Variants in BMPR1B observed in about 807,000 individuals in gnomAD.
BMPR1B encodes the protein bone morphogenetic protein receptor type-1B.
BMPR1B carries 12 observed loss-of-function variants against 59.1 expected under a neutral mutation model. The ratio of observed to expected loss-of-function variants is 0.20; its 90% CI spans 0.13 to 0.33. The LOEUF (loss-of-function observed/expected upper bound fraction) is 0.33, where lower values mean the gene tolerates loss of function less well. BMPR1B is among the 10% of genes least tolerant of loss of function. The pLI, the probability that BMPR1B is intolerant of heterozygous loss-of-function variation, is 1.00. For synonymous variants in BMPR1B, 237 were observed against 207.3 expected, an observed-to-expected ratio of 1.14 and a Z score of -1.23; for missense variants, 550 against 610.9, an observed-to-expected ratio of 0.90 and a Z score of 1.05.
rs74528765 is a variant in BMPR1B at position 94,863,829 on chromosome 4, T to C, written c.-182-12002T>C. 8.6e-3 allele frequency among the ~76,000 whole-genome samples: 1,312 copies of C among 152,294 alleles called. 68 individuals carry two copies. In the East Asian group the frequency reaches 0.15, roughly 18 times the overall value. On this transcript the variant is annotated intron_variant, in intron 1 of 12. Transcript: ENST00000515059. ...TCTACACATTTCAGAGTTGCTCCTGTGGTGCATTCCCGAAACCGTATCTGA... is the reference window on the plus strand; with the variant it reads ...TCTACACATTTCAGAGTTGCTCCTGCGGTGCATTCCCGAAACCGTATCTGA...
intron 1 of BMPR1B, among the ~76,000 whole-genome samples, chr4:94,848,126 G>A (rs1193429018): frequency 6.6e-6 from 1 of 152,114 alleles, no homozygotes; most frequent in African/African-American, 2.4e-5. Context: ...GTTTAATACA[G>A]GTGTAGTATT....
rs146674986 is a variant in BMPR1B, at chr4:95,110,057, G to A, written c.144-4663G>A. On this transcript the variant is annotated intron_variant, in intron 4 of 12. Transcript: ENST00000515059. ...TTAGTCATCAATGAGAATTTTAGAC[G>A]GTCCCAGTTTGTTGCTGGAGTTAAT... Among the ~76,000 whole-genome samples the A allele has an allele frequency of 1.1e-3, 163 of 151,896 alleles. 1 individual carries two copies. The highest frequency in any genetic ancestry group is 3.5e-3 in the African/African-American group (145 of 41,446).
intron 3 of BMPR1B, among the ~76,000 whole-genome samples, chr4:95,096,117 A>C (rs1730357996): frequency 6.6e-6 from 1 of 150,730 alleles, no homozygotes; most frequent in African/African-American, 2.4e-5. Context: ...ATATTTTTAA[A>C]ATAAGGAACT....
chr4:94,781,329 T>C (rs1722583286), intron 1 of BMPR1B, among the ~76,000 whole-genome samples: 1 of 152,228 alleles, frequency 6.6e-6, no homozygotes, highest in Non-Finnish European at 1.5e-5. Flanking sequence ...TTTTCAACTT[T>C]TATAATGTCC....
intron 1 of BMPR1B, among the ~76,000 whole-genome samples, chr4:94,793,022 T>G (rs985480404): frequency 6.6e-6 from 1 of 152,108 alleles, no homozygotes; most frequent in Admixed American, 6.6e-5. Context: ...TTCTTTTTTT[T>G]TATTATTATT....
At chr4:95,058,085 A>T (rs1727066189) in intron 3 of BMPR1B, among the ~76,000 whole-genome samples, 1 of 152,160 alleles carries the variant, frequency 6.6e-6, no homozygotes, top group Non-Finnish European at 1.5e-5. Flanking sequence ...TAGTTCTAGG[A>T]CATTGTTATA....
chr4:94,792,114 A>C (rs1485538409), intron 1 of BMPR1B, among the ~76,000 whole-genome samples: 1 of 152,216 alleles, frequency 6.6e-6, no homozygotes, highest in Non-Finnish European at 1.5e-5. Flanking sequence ...CAGATAACTA[A>C]GTTTTACCTT....
intron 2 of BMPR1B, among the ~76,000 whole-genome samples, chr4:94,984,939 G>C (rs1721309005): frequency 6.6e-6 from 1 of 152,114 alleles, no homozygotes; most frequent in Non-Finnish European, 1.5e-5. Flanking sequence ...TCACATATTT[G>C]GATATAGTTC....
intron 2 of BMPR1B, among the ~76,000 whole-genome samples, chr4:94,989,450 A>T (rs967051968): frequency 6.6e-6 from 1 of 151,950 alleles, no homozygotes; most frequent in Non-Finnish European, 1.5e-5. Context: ...TTAACACCCA[A>T]TTTCAAGGAA....
In BMPR1B at chr4:94,880,760, C is replaced by T. The variant is rs956484500; in HGVS notation, c.-113+4860C>T. ...TTCAAGCGATTCTATGCCTCAGCCT[C>T]CCAAGTAGCTGAGATTACAGGCGTG... On this transcript the variant is annotated intron_variant, in intron 2 of 12. Coordinates refer to ENST00000515059, the MANE Select transcript of BMPR1B (RefSeq NM_001203.3). 9.3e-5 allele frequency among the ~76,000 whole-genome samples: 14 copies of T among 151,288 alleles called. 1 individual carries two copies. Among genetic ancestry groups the T allele is most frequent in the Non-Finnish European group, 1.9e-4 (13 of 67,922 alleles).
chr4:95,121,688 A>T (rs898808785), intron 6 of BMPR1B, among the ~76,000 whole-genome samples: 3 of 151,800 alleles, frequency 2.0e-5, no homozygotes, highest in African/African-American at 7.3e-5. Flanking sequence ...GGTGAAGGGC[A>T]CATTGGAATT....
At chr4:95,103,656 A>G (rs1382055367) in intron 3 of BMPR1B, 3 of 247,024 alleles carry the variant, frequency 1.2e-5, no homozygotes, top group Non-Finnish European at 1.9e-5. Context: ...TCTAAGGACA[A>G]CTAACTTGGT....
intron 3 of BMPR1B, among the ~76,000 whole-genome samples, chr4:95,021,485 A>G (rs754658413): frequency 9.8e-5 from 15 of 152,356 alleles, no homozygotes; most frequent in Non-Finnish European, 1.9e-4. Context: ...CATTATACCA[A>G]ATTAAACACT....
Position 95,069,362 on chromosome 4 carries a change from T to C in BMPR1B, c.-17-35046T>C, listed in dbSNP as rs554602320. On this transcript the variant is annotated intron_variant, in intron 3 of 12. Coordinates refer to ENST00000515059, the MANE Select transcript of BMPR1B (RefSeq NM_001203.3). ...CCCCATTTCTTGTCTGACCTCACCATGTACTACTGTTATTCTTGCTGGACA... is the reference window on the plus strand; with the variant it reads ...CCCCATTTCTTGTCTGACCTCACCACGTACTACTGTTATTCTTGCTGGACA... 6.0e-4 allele frequency among the ~76,000 whole-genome samples: 91 copies of C among 152,300 alleles called. 1 individual carries two copies. In the South Asian group the frequency reaches 0.017, roughly 29 times the overall value.
At chr4:94,865,442 G>A (rs1283571273) in intron 1 of BMPR1B, among the ~76,000 whole-genome samples, 1 of 151,336 alleles carries the variant, frequency 6.6e-6, no homozygotes, top group Non-Finnish European at 1.5e-5. Flanking sequence ...CCGGGCTGGA[G>A]TACAGTGGTT....
At chr4:95,129,368 C>A (rs1733138800) in intron 8 of BMPR1B, among the ~76,000 whole-genome samples, 1 of 152,050 alleles carries the variant, frequency 6.6e-6, no homozygotes, top group Non-Finnish European at 1.5e-5. Context: ...GTCTCAACTC[C>A]TTCCTTCCCT....
chr4:94,847,789 A>G (rs571503726), intron 1 of BMPR1B, among the ~76,000 whole-genome samples: 23 of 152,236 alleles, frequency 1.5e-4, no homozygotes, highest in African/African-American at 5.5e-4. Context: ...AGTGGCTGAC[A>G]AGGGTAGTGG....
intron 1 of BMPR1B, among the ~76,000 whole-genome samples, chr4:94,862,442 C>CA (rs1165602543): frequency 6.6e-6 from 1 of 151,516 alleles, no homozygotes; most frequent in Non-Finnish European, 1.5e-5. Context: ...TGAGCCACTG[C>CA]ACCCAGCCCC....
intron 3 of BMPR1B, among the ~76,000 whole-genome samples, chr4:95,049,374 A>T (rs948233398): frequency 2.1e-5 from 3 of 142,254 alleles, no homozygotes; most frequent in Admixed American, 7.2e-5. Context: ...TCAGCCTGCC[A>T]AGTAGCTGGG....
Sources: gnomAD v4.1 joint callset for allele counts (sites outside exome capture counted in the v4.1 genomes callset) on GRCh38, gnomAD v4.1.1 for gene constraint, MANE v1.5 for transcripts, NCBI Gene and HGNC (gene_info 2026-07-23, HGNC 2026-07-21) for gene names.